Variants in IFNA2 observed in about 807,000 individuals in gnomAD.
IFNA2 encodes the protein interferon alpha 2, also known as interferon alpha-2.
For synonymous variants in IFNA2, 91 were observed against 80.7 expected (o/e 1.13, Z -0.68); for missense variants, 260 against 210.3 (o/e 1.24, Z -1.46).
chr9:21,385,011 AT>A, the IFNA2 span: 2 of 1,613,724 alleles, frequency 1.2e-6, no homozygotes, highest in Non-Finnish European at 1.7e-6. Context: ...TCAGTGTAGA[AT>A]TTGTCTAGGA....
rs779422892 is a variant in IFNA2, at chr9:21,385,336, T to A, written c.-7A>T. On this transcript the variant is annotated 5_prime_UTR_variant, in exon 1 of 1. Transcript: ENST00000380206. ...AAGCAAAGGTCAAGGCCATTGTAGA[T>A]GTTGCAGATGCTGCTAGACTGGTTG... The A allele has an allele frequency of 2.5e-6, 4 of 1,604,030 alleles. No homozygotes were observed. In the African/African-American group the frequency reaches 4.0e-5, roughly 16 times the overall value.
Position 21,384,586 on chromosome 9 carries a change from T to A in IFNA2, c.*177A>T, listed in dbSNP as rs1209744081. 4.3e-6 allele frequency: 2 copies of A among 466,572 alleles called. No individual in the cohort carries two copies. Among genetic ancestry groups the A allele is most frequent in the East Asian group, 9.5e-5 (2 of 20,992 alleles). 28.9% of individuals were successfully genotyped at this position (466,572 alleles called of 1,614,324 possible). A position where few individuals can be genotyped will look rare whatever the true frequency, so the allele number is the denominator to read the frequency against. On this transcript the variant is annotated 3_prime_UTR_variant, in exon 1 of 1. Transcript: ENST00000380206. ...ATGGATCAGTCAGCATGGTCCTCTGTAAGGGACTAGTGCCTTAAGAGCTGA... is the reference window on the plus strand; with the variant it reads ...ATGGATCAGTCAGCATGGTCCTCTGAAAGGGACTAGTGCCTTAAGAGCTGA...
In IFNA2 at chr9:21,385,074, T is replaced by C. The variant is rs1820865475; in HGVS notation, c.256A>G (p.Ile86Val). Residue 86 changes from isoleucine (I) to valine (V), a missense_variant, in exon 1 of 1, where the codon ATC (isoleucine) becomes GTC (valine). Transcript: ENST00000380206. Reference sequence around the variant, plus strand: ...TCCTTTGTGCTGAAGAGATTGAAGATCTGCTGGATCATCTCATGGAGGACA... The same window carrying C: ...TCCTTTGTGCTGAAGAGATTGAAGACCTGCTGGATCATCTCATGGAGGACA... Reference protein sequence around the residue: ...IPVLHEMIQQIFNLFSTKDSS... With the variant: ...IPVLHEMIQQVFNLFSTKDSS... The C allele has an allele frequency of 2.5e-6, 4 of 1,613,994 alleles. No individual in the cohort carries two copies. The highest frequency in any genetic ancestry group is 3.4e-6 in the Non-Finnish European group (4 of 1,179,980).
rs555011242 is a variant in IFNA2 at position 21,384,821 on chromosome 9, A to G, written c.509T>C (p.Ile170Thr). The G allele has an allele frequency of 2.5e-6, 4 of 1,613,430 alleles. No homozygotes were observed. Among genetic ancestry groups the G allele is most frequent in the African/African-American group, 2.7e-5 (2 of 74,962 alleles). Reference protein sequence around the residue: ...PCAWEVVRAEIMRSFSLSTNL... With the variant: ...PCAWEVVRAETMRSFSLSTNL... ...TGTTGACAAAGAAAAAGATCTCATG[A>G]TTTCTGCTCTGACAACCTCCCAGGC... Residue 170 changes from isoleucine to threonine, a missense_variant, in exon 1 of 1, where the codon ATC (isoleucine) becomes ACC (threonine). Transcript: ENST00000380206.
Position 21,385,044 on chromosome 9 carries a change from A to G in IFNA2, c.286T>C (p.Ser96Pro). Residue 96 changes from serine to proline, a missense_variant, in exon 1 of 1, where the codon TCT becomes CCT. Ser to Pro is a moderately conservative substitution (Grantham distance 74, BLOSUM62 -1). Coordinates refer to ENST00000380206, the MANE Select transcript of IFNA2 (RefSeq NM_000605.4). ...AGGAGGGTCTCATCCCAAGCAGCAG[A>G]TGAGTCCTTTGTGCTGAAGAGATTG... The part of the protein sequence containing the change: ...IFNLFSTKDS[S>P]AAWDETLLDK... 1.2e-6 allele frequency: 2 copies of G among 1,613,986 alleles called. No homozygotes were observed. The highest frequency in any genetic ancestry group is 1.7e-6 in the Non-Finnish European group (2 of 1,179,954).
At position 21,385,081 on chromosome 9, in the gene IFNA2, G is replaced by A. The variant is rs370758545; in HGVS notation, c.249C>T (p.Ile83=). 5.0e-6 allele frequency: 8 copies of A among 1,613,996 alleles called. No homozygotes were observed. Among genetic ancestry groups the A allele is most frequent in the Non-Finnish European group, 6.8e-6 (8 of 1,179,980 alleles). Reference sequence around the variant, plus strand: ...TGCTGAAGAGATTGAAGATCTGCTGGATCATCTCATGGAGGACAGGGATGG... The same window carrying A: ...TGCTGAAGAGATTGAAGATCTGCTGAATCATCTCATGGAGGACAGGGATGG... The part of the protein sequence containing the change: ...AETIPVLHEM[I]QQIFNLFSTK... Residue 83 remains isoleucine (I), a synonymous_variant, in exon 1 of 1, where the codon ATC becomes ATT. Coordinates refer to ENST00000380206, the MANE Select transcript of IFNA2 (RefSeq NM_000605.4).
In IFNA2 at chr9:21,384,587, A is replaced by G. The variant is rs902383250; in HGVS notation, c.*176T>C. 8.6e-6 allele frequency: 4 copies of G among 466,214 alleles called. No homozygotes were observed. The South Asian group carries it at 1.3e-4, about 15-fold the overall frequency. The allele number at this position is 466,214 out of a possible 1,614,324, so 28.9% of individuals were successfully genotyped here. A position where few individuals can be genotyped will look rare whatever the true frequency, so the allele number is the denominator to read the frequency against. On this transcript the variant is annotated 3_prime_UTR_variant, in exon 1 of 1. Coordinates refer to ENST00000380206, the MANE Select transcript of IFNA2 (RefSeq NM_000605.4). ...TGGATCAGTCAGCATGGTCCTCTGTAAGGGACTAGTGCCTTAAGAGCTGAA... is the reference window on the plus strand; with the variant it reads ...TGGATCAGTCAGCATGGTCCTCTGTGAGGGACTAGTGCCTTAAGAGCTGAA...
In IFNA2 at chr9:21,384,607, G is replaced by A. The variant is rs1297935962; in HGVS notation, c.*156C>T. On this transcript the variant is annotated 3_prime_UTR_variant, in exon 1 of 1. Coordinates refer to ENST00000380206, the MANE Select transcript of IFNA2 (RefSeq NM_000605.4). The stretch of plus-strand genomic sequence containing the variant: ...TCTGTAAGGGACTAGTGCCTTAAGA[G>A]CTGAATACAATGTTGATTAATACTC... The A allele has an allele frequency of 4.4e-6, 3 of 685,114 alleles. No individual in the cohort carries two copies. The African/African-American group carries it at 5.5e-5, about 13-fold the overall frequency. The allele number at this position is 685,114 out of a possible 1,614,324, so 42.4% of individuals were successfully genotyped here. A position where few individuals can be genotyped will look rare whatever the true frequency, so the allele number is the denominator to read the frequency against.
At chr9:21,384,953 AC>A in the IFNA2 span, 12 of 1,613,548 alleles carry the variant, frequency 7.4e-6, no homozygotes, top group Non-Finnish European at 6.8e-6. Flanking sequence ...TGTCACCCCC[AC>A]CCCCTGTATC....
chr9:21,385,347 C>G lies in IFNA2; in HGVS notation c.-18G>C. 6.3e-6 allele frequency: 10 copies of G among 1,580,938 alleles called. No individual in the cohort carries two copies. The highest frequency in any genetic ancestry group is 7.7e-6 in the Non-Finnish European group (9 of 1,165,894). Reference sequence around the variant, plus strand: ...AAGGCCATTGTAGATGTTGCAGATGCTGCTAGACTGGTTGAAATGGGTGAG... The same window carrying G: ...AAGGCCATTGTAGATGTTGCAGATGGTGCTAGACTGGTTGAAATGGGTGAG... On this transcript the variant is annotated 5_prime_UTR_variant, in exon 1 of 1. Coordinates refer to ENST00000380206, the MANE Select transcript of IFNA2 (RefSeq NM_000605.4).
chr9:21,384,851 G>C lies in IFNA2; in HGVS notation c.479C>G (p.Pro160Arg). Residue 160 changes from proline to arginine, a missense_variant, in exon 1 of 1, where the codon CCT becomes CGT. Physicochemically the swap from Pro to Arg is moderately radical, Grantham distance 103. Coordinates refer to ENST00000380206, the MANE Select transcript of IFNA2 (RefSeq NM_000605.4). ...TLYLKEKKYS[P>R]CAWEVVRAEI... Reference sequence around the variant, plus strand: ...TGCTCTGACAACCTCCCAGGCACAAGGGCTGTATTTCTTCTCTTTCAGATA... The same window carrying C: ...TGCTCTGACAACCTCCCAGGCACAACGGCTGTATTTCTTCTCTTTCAGATA... 1 of 1,614,044 alleles carries C rather than the reference G, an allele frequency of 6.2e-7. No homozygotes were observed. The highest frequency in any genetic ancestry group is 8.5e-7 in the Non-Finnish European group (1 of 1,179,954).
At position 21,385,134 on chromosome 9, in the gene IFNA2, A is replaced by G; in HGVS notation, c.196T>C (p.Phe66Leu). 1 of 1,613,684 alleles carries G rather than the reference A, an allele frequency of 6.2e-7. No individual in the cohort carries two copies. The highest frequency in any genetic ancestry group is 8.5e-7 in the Non-Finnish European group (1 of 1,179,922). The change falls in exon 1 of 1, where the codon TTT (phenylalanine) becomes CTT (leucine). Residue 66 changes from phenylalanine to leucine, a missense_variant. Transcript: ENST00000380206. Reference protein sequence around the residue: ...RHDFGFPQEEFGNQFQKAETI... With the variant: ...RHDFGFPQEELGNQFQKAETI... Reference sequence around the variant, plus strand: ...TCAGCCTTTTGGAACTGGTTGCCAAACTCCTCCTGGGGAAATCCAAAGTCA... The same window carrying G: ...TCAGCCTTTTGGAACTGGTTGCCAAGCTCCTCCTGGGGAAATCCAAAGTCA...
Position 21,385,257 on chromosome 9 carries a change from C to T in IFNA2, c.73G>A (p.Asp25Asn). ...SCKSSCSVGC[D>N]LPQTHSLGSR... ...CCCAGGCTGTGGGTTTGAGGCAGAT[C>T]ACAGCCCACAGAGCAGCTTGACTTG... Residue 25 changes from aspartate to asparagine, a missense_variant, in exon 1 of 1, where the codon GAT becomes AAT. By Grantham distance (23) the Asp-to-Asn change is conservative (BLOSUM62 1). Transcript: ENST00000380206. 2 of 1,613,906 alleles carry T rather than the reference C, an allele frequency of 1.2e-6. No homozygotes were observed. The highest frequency in any genetic ancestry group is 1.7e-6 in the Non-Finnish European group (2 of 1,179,940).
Position 21,384,816 on chromosome 9 carries a change from T to G in IFNA2, c.514A>C (p.Arg172=). 1 of 1,613,248 alleles carries G rather than the reference T, an allele frequency of 6.2e-7. No individual in the cohort carries two copies. The highest frequency in any genetic ancestry group is 8.5e-7 in the Non-Finnish European group (1 of 1,179,718). ...AWEVVRAEIM[R]SFSLSTNLQE... ...AAGTTTGTTGACAAAGAAAAAGATC[T>G]CATGATTTCTGCTCTGACAACCTCC... The change falls in exon 1 of 1, where the codon AGA becomes CGA. Residue 172 remains arginine, a synonymous_variant. Coordinates refer to ENST00000380206, the MANE Select transcript of IFNA2 (RefSeq NM_000605.4).
At position 21,384,794 on chromosome 9, in the gene IFNA2, T is replaced by A. The variant is rs372433810; in HGVS notation, c.536A>T (p.Asn179Ile). The change falls in exon 1 of 1, where the codon AAC becomes ATC. Residue 179 changes from asparagine (N) to isoleucine (I), a missense_variant. Coordinates refer to ENST00000380206, the MANE Select transcript of IFNA2 (RefSeq NM_000605.4). ...EIMRSFSLST[N>I]LQESLRSKE is the part of the protein sequence containing the mutation. ...CTTACTTCTTAAACTTTCTTGCAAG[T>A]TTGTTGACAAAGAAAAAGATCTCAT... The A allele has an allele frequency of 1.6e-5, 25 of 1,611,232 alleles. No individual in the cohort carries two copies. Among genetic ancestry groups the A allele is most frequent in the East Asian group, 8.9e-5 (4 of 44,866 alleles).
Position 21,384,898 on chromosome 9 carries a change from T to C in IFNA2, c.432A>G (p.Lys144=). Residue 144 remains lysine, a synonymous_variant, in exon 1 of 1, where the codon AAA becomes AAG. Transcript: ENST00000380206. ...MKEDSILAVR[K]YFQRITLYLK... is the part of the protein sequence containing the mutation. ...GATAGAGAGTGATTCTTTGGAAGTA[T>C]TTCCTCACAGCCAGAATGGAGTCCT... 1 of 1,614,076 alleles carries C rather than the reference T, an allele frequency of 6.2e-7. No individual in the cohort carries two copies. Among genetic ancestry groups the C allele is most frequent in the East Asian group, 2.2e-5 (1 of 44,880 alleles).
Position 21,385,323 on chromosome 9 carries a change from A to G in IFNA2, c.7T>C (p.Leu3=), listed in dbSNP as rs1161048312. ...AGGGCCACCAGTAAAGCAAAGGTCAAGGCCATTGTAGATGTTGCAGATGCT... is the reference window on the plus strand; with the variant it reads ...AGGGCCACCAGTAAAGCAAAGGTCAGGGCCATTGTAGATGTTGCAGATGCT... MA[L]TFALLVALLV... Residue 3 remains leucine, a synonymous_variant, in exon 1 of 1, where the codon TTG becomes CTG. Transcript: ENST00000380206. 1 of 1,608,758 alleles carries G rather than the reference A, an allele frequency of 6.2e-7. No homozygotes were observed. Among genetic ancestry groups the G allele is most frequent in the Non-Finnish European group, 8.5e-7 (1 of 1,177,810 alleles).
Position 21,384,680 on chromosome 9 carries a change from AC to A in IFNA2, c.*82del. 7.5e-7 allele frequency: 1 copy of A among 1,331,024 alleles called. No individual in the cohort carries two copies. The allele number at this position is 1,331,024 out of a possible 1,614,324, so 82.5% of individuals were successfully genotyped here. On this transcript the variant is annotated 3_prime_UTR_variant, in exon 1 of 1. Coordinates refer to ENST00000380206, the MANE Select transcript of IFNA2 (RefSeq NM_000605.4). ...AAATCGTGTCATGGTCATAGCAGAA[AC>A]ATGAGTCTTTGAAATGGCAGATCAT...
chr9:21,384,783 T>A lies in IFNA2; in HGVS notation c.547A>T (p.Ser183Cys). ...SFSLSTNLQE[S>C]LRSKE is the part of the protein sequence containing the mutation. ...AGTTTTCATTCCTTACTTCTTAAAC[T>A]TTCTTGCAAGTTTGTTGACAAAGAA... Residue 183 changes from serine to cysteine, a missense_variant, in exon 1 of 1, where the codon AGT (serine) becomes TGT (cysteine). Ser to Cys is a moderately radical substitution (Grantham distance 112). Coordinates refer to ENST00000380206, the MANE Select transcript of IFNA2 (RefSeq NM_000605.4). 1 of 1,610,328 alleles carries A rather than the reference T, an allele frequency of 6.2e-7. No individual in the cohort carries two copies. Among genetic ancestry groups the A allele is most frequent in the Non-Finnish European group, 8.5e-7 (1 of 1,178,600 alleles).
Sources: gnomAD v4.1 joint callset for allele counts on GRCh38, gnomAD v4.1.1 for gene constraint, MANE v1.5 for transcripts, NCBI Gene and HGNC (gene_info 2026-07-23, HGNC 2026-07-21) for gene names.